FHL1: variants seen among roughly 807,000 people sequenced by gnomAD.
FHL1 encodes the protein four and a half LIM domains protein 1.
FHL1 carries 1 observed loss-of-function variant against 20.3 expected under a neutral mutation model. The ratio of observed to expected loss-of-function variants is 0.05; its 90% CI spans 0.02 to 0.23. The LOEUF is 0.23. Among genes scored for constraint, FHL1 ranks in the 10% least tolerant of loss-of-function variants. The probability of loss-of-function intolerance (pLI) is 1.00; values close to 1 mark genes in which losing one functional copy is unlikely to be tolerated. For synonymous variants in FHL1, 82 were observed against 88.9 expected (o/e 0.92, Z 0.44); for missense variants, 177 against 234.0 (o/e 0.76, Z 1.59).
At chrX:136,187,136 T>C (rs2073325639) in intron 2 of FHL1, among the ~76,000 whole-genome samples, 1 of 92,890 alleles carries the variant, frequency 1.1e-5, no homozygotes, top group African/African-American at 3.7e-5. Context: ...TTTATGTTTT[T>C]TTTTTTAAAA....
At chrX:136,204,311 T>G (rs1189662912) in intron 1 of FHL1, among the ~76,000 whole-genome samples, 3 of 112,591 alleles carry the variant, frequency 2.7e-5, no homozygotes, top group South Asian at 3.7e-4. Context: ...ACGAGGCTTC[T>G]GTGTGACACT....
At chrX:136,148,583 G>C (rs1302087960) in intron 1 of FHL1, 1 of 111,474 alleles carries the variant, frequency 9.0e-6, no homozygotes, top group Non-Finnish European at 1.9e-5. Context: ...CTGGGACAGA[G>C]GTTTCTGCTT....
At chrX:136,148,220 G>C (rs1349524588) in intron 1 of FHL1, 1 of 102,420 alleles carries the variant, frequency 9.8e-6, no homozygotes, top group Non-Finnish European at 2.0e-5. Context: ...GACCTGCCTT[G>C]CTTCGCTCAA....
At chrX:136,206,082 A>G (rs760123067) in intron 1 of FHL1, 4 of 361,565 alleles carry the variant, frequency 1.1e-5, no homozygotes, top group Admixed American at 8.8e-5. Context: ...GACTTGGCCA[A>G]CACAGGCTCT....
chrX:136,209,117 A>C, intron 5 of FHL1: 3 of 571,027 alleles, frequency 5.3e-6, no homozygotes, highest in Non-Finnish European at 8.2e-6. Context: ...CAGCAAAGCT[A>C]ATCACTTCAT....
chrX:136,192,269 T>C (rs2073446938), upstream of FHL1, among the ~76,000 whole-genome samples: 1 of 112,160 alleles, frequency 8.9e-6, no homozygotes, highest in Non-Finnish European at 1.9e-5. Context: ...TAGTGATTTC[T>C]GGTTATAGGC....
chrX:136,169,946 C>T (rs762392216), exon 2 of FHL1: 47 of 329,170 alleles, frequency 1.4e-4, no homozygotes, highest in African/African-American at 1.1e-3. Flanking sequence ...CAGCCTTTGC[C>T]GAATACATCC....
At chrX:136,194,911 G>C (rs999186973), upstream of FHL1, among the ~76,000 whole-genome samples, 1 of 111,362 alleles carries the variant, frequency 9.0e-6, no homozygotes, top group Non-Finnish European at 1.9e-5. Context: ...GCAGGTAGTG[G>C]TCATGCTTCA....
intron 5 of FHL1, chrX:136,209,241 A>G: frequency 8.4e-7 from 1 of 1,197,533 alleles, no homozygotes; most frequent in Non-Finnish European, 1.1e-6. Flanking sequence ...TGCCATCCTC[A>G]GGGAAAAGGA....
intron 2 of FHL1, among the ~76,000 whole-genome samples, chrX:136,177,013 TACACACACACACACAC>T (rs10527786): frequency 1.5e-4 from 13 of 88,661 alleles, no homozygotes; most frequent in African/African-American, 5.1e-4. Flanking sequence ...CATGTAGAAA[TACACACACACACACAC>T]ACACACACAC....
intron 1 of FHL1, chrX:136,204,939 G>C (rs1439706766): frequency 1.8e-5 from 2 of 112,076 alleles, no homozygotes. Context: ...GAAGAGCTGC[G>C]GTGAGTACCA....
At chrX:136,169,438 C>T (rs1335529210), upstream of FHL1, 2 of 186,603 alleles carry the variant, frequency 1.1e-5, no homozygotes, top group Non-Finnish European at 2.0e-5. Context: ...AAATATTCCT[C>T]TAGTGACTTG....
chrX:136,158,443 G>T (rs1015328736), intron 1 of FHL1, among the ~76,000 whole-genome samples: 2 of 111,458 alleles, frequency 1.8e-5, no homozygotes, highest in Non-Finnish European at 3.8e-5. Flanking sequence ...TGCCACTCTC[G>T]ATTTCTACTG....
chrX:136,210,001 T>C lies in FHL1; in HGVS notation c.867T>C (p.Cys289=), dbSNP rs765851828. ...TTTTCCACCAGGAGCAAGTGTATTGTCCCGACTGTGCCAAAAAGCTGTAAA... is the reference window on the plus strand; with the variant it reads ...TTTTCCACCAGGAGCAAGTGTATTGCCCCGACTGTGCCAAAAAGCTGTAAA... ...RFVFHQEQVY[C]PDCAKKL The change falls in exon 6 of 6, where the codon TGT becomes TGC. Residue 289 remains cysteine (C), a synonymous_variant. Transcript: ENST00000370683. The C allele has an allele frequency of 1.7e-6, 2 of 1,211,262 alleles. No individual in the cohort carries two copies. Among genetic ancestry groups the C allele is most frequent in the Admixed American group, 2.2e-5 (1 of 45,958 alleles).
At chrX:136,162,831 G>A (rs977238507) in intron 1 of FHL1, among the ~76,000 whole-genome samples, 9 of 112,254 alleles carry the variant, frequency 8.0e-5, no homozygotes, top group African/African-American at 2.9e-4. Context: ...CGCTGACTTT[G>A]TTTGTGCTGC....
At chrX:136,184,704 A>G (rs980108751) in intron 2 of FHL1, among the ~76,000 whole-genome samples, 1 of 111,698 alleles carries the variant, frequency 9.0e-6, no homozygotes, top group Admixed American at 9.6e-5. Context: ...GTTTATTGTG[A>G]AAATTGTGTG....
intron 1 of FHL1, among the ~76,000 whole-genome samples, chrX:136,156,522 T>TA (rs1284497582): frequency 2.7e-5 from 3 of 111,418 alleles, no homozygotes; most frequent in Non-Finnish European, 5.6e-5. Context: ...CATCAGGTGA[T>TA]CCGCCCTCCT....
chrX:136,187,266 T>C (rs2073330548), intron 2 of FHL1, among the ~76,000 whole-genome samples: 1 of 110,864 alleles, frequency 9.0e-6, no homozygotes, highest in Admixed American at 9.6e-5. Context: ...TGTCTGGGGA[T>C]AGATAGGGGG....
chrX:136,158,985 C>T (rs1051963050), intron 1 of FHL1, among the ~76,000 whole-genome samples: 1 of 110,225 alleles, frequency 9.1e-6, no homozygotes, highest in Middle Eastern at 4.2e-3. Flanking sequence ...GACTTTAGTT[C>T]ATTATAATGT....
Sources: gnomAD v4.1 joint callset for allele counts (sites outside exome capture counted in the v4.1 genomes callset) on GRCh38, gnomAD v4.1.1 for gene constraint, MANE v1.5 for transcripts, NCBI Gene and HGNC (gene_info 2026-07-23, HGNC 2026-07-21) for gene names.